PIEZO2: variants seen among roughly 807,000 people sequenced by gnomAD.
The protein encoded by PIEZO2 is piezo-type mechanosensitive ion channel component 2.
In PIEZO2, 172 loss-of-function variants were observed where a neutral mutation model predicts 337.3. The ratio of observed to expected loss-of-function variants is 0.51; its 90% CI spans 0.45 to 0.58. PIEZO2 has a LOEUF of 0.58. Ranked by LOEUF, PIEZO2 falls within the 20% of genes least tolerant of loss-of-function variation. PIEZO2 has a pLI of 0.00. For synonymous variants in PIEZO2, 1,251 were observed against 1,228.5 expected (o/e 1.02, Z -0.38); for missense variants, 3,028 against 3,391.3 (o/e 0.89, Z 2.66).
rs988110185 is a variant in PIEZO2 at position 10,863,418 on chromosome 18, A to G, written c.493-6207T>C. The stretch of plus-strand genomic sequence containing the variant: ...AAGATTATTCTTCCAAACTCCTAAG[A>G]TCAGCTTAAGCAGTCCCTATTTCAT... On this transcript the variant is annotated intron_variant, in intron 5 of 55. Transcript: ENST00000674853. This position sits in a 1 kb window ranked among gnomAD's most constrained non-coding sequence, Gnocchi z 4.3. Among the ~76,000 whole-genome samples the G allele has an allele frequency of 6.6e-6, 1 of 152,242 alleles. No homozygotes were observed. The highest frequency in any genetic ancestry group is 2.4e-5 in the African/African-American group (1 of 41,462).
rs2037042319 is a variant in PIEZO2, at chr18:11,039,571, ATAAC to A, written c.160+26552_160+26555del. 2.6e-5 allele frequency among the ~76,000 whole-genome samples: 4 copies of A among 152,256 alleles called. No individual in the cohort carries two copies. In the South Asian group the frequency reaches 8.3e-4, roughly 32 times the overall value. On this transcript the variant is annotated intron_variant, in intron 2 of 55. Transcript: ENST00000674853. ...ACATATATATAACTATATGTGTCATATAACTAACATATATATATGATCCACATGT... is the reference window on the plus strand; with the variant it reads ...ACATATATATAACTATATGTGTCATATAACATATATATATGATCCACATGT...
intron 1 of PIEZO2, among the ~76,000 whole-genome samples, chr18:11,090,641 A>G (rs750646428): frequency 1.4e-4 from 21 of 152,236 alleles, no homozygotes; most frequent in Non-Finnish European, 1.8e-4. Context: ...TATCTTTCCA[A>G]TCAGATTTTC....
At position 10,862,017 on chromosome 18, in the gene PIEZO2, C is replaced by CA. The variant is rs11341776; in HGVS notation, c.493-4807dup. On this transcript the variant is annotated intron_variant, in intron 5 of 55. Coordinates refer to ENST00000674853, the MANE Select transcript of PIEZO2 (RefSeq NM_001378183.1). The surrounding 1 kb of genome is among the most constrained non-coding windows in gnomAD (Gnocchi z 4.4). ...TAGGTGACAGAATGAGACTCAATCT[C>CA]AAAAAAAAAATTAATAAATAAAACA... Among the ~76,000 whole-genome samples, 11 of 145,816 alleles carry CA rather than the reference C, an allele frequency of 7.5e-5. No homozygotes were observed. Among genetic ancestry groups the CA allele is most frequent in the East Asian group, 2.0e-4 (1 of 5,016 alleles).
intron 3 of PIEZO2, among the ~76,000 whole-genome samples, chr18:10,974,774 AC>A (rs2145457991): frequency 6.6e-6 from 1 of 152,270 alleles, no homozygotes; most frequent in Non-Finnish European, 1.5e-5. Context: ...GAAAAAGGGC[AC>A]CCTCTTGGAG....
At chr18:10,827,818 A>G (rs1017888334) in intron 7 of PIEZO2, among the ~76,000 whole-genome samples, 1 of 152,222 alleles carries the variant, frequency 6.6e-6, no homozygotes, top group Non-Finnish European at 1.5e-5. Flanking sequence ...TCCTGCTTCA[A>G]CTTAGAGAAC....
At chr18:10,749,047 A>G (rs1012267138) in intron 29 of PIEZO2, among the ~76,000 whole-genome samples, 1 of 152,194 alleles carries the variant, frequency 6.6e-6, no homozygotes, top group African/African-American at 2.4e-5. Context: ...TGAGCACAGC[A>G]TGGCTTATTA....
chr18:11,055,016 C>T (rs1369928905), intron 2 of PIEZO2, among the ~76,000 whole-genome samples: 3 of 152,024 alleles, frequency 2.0e-5, no homozygotes, highest in Non-Finnish European at 4.4e-5. Flanking sequence ...TCAAGACTAT[C>T]CTGGCTAACA....
At chr18:10,751,696 T>C (rs1283843215) in intron 28 of PIEZO2, among the ~76,000 whole-genome samples, 1 of 152,174 alleles carries the variant, frequency 6.6e-6, no homozygotes, top group Non-Finnish European at 1.5e-5. Context: ...AGAGATTTCC[T>C]CACTGCTCTC....
intron 34 of PIEZO2, among the ~76,000 whole-genome samples, chr18:10,736,353 T>C (rs781752666): frequency 6.6e-6 from 1 of 152,224 alleles, no homozygotes; most frequent in Non-Finnish European, 1.5e-5. Context: ...GTTTATAGTA[T>C]CAGGAACTGT....
intron 3 of PIEZO2, among the ~76,000 whole-genome samples, chr18:10,922,771 T>G (rs1054652991): frequency 5.3e-5 from 8 of 152,106 alleles, no homozygotes; most frequent in Admixed American, 5.2e-4. Context: ...GCTGACCGTA[T>G]TTACATAAAT....
chr18:10,887,861 C>T (rs2042651662), intron 4 of PIEZO2, among the ~76,000 whole-genome samples: 1 of 152,204 alleles, frequency 6.6e-6, no homozygotes, highest in African/African-American at 2.4e-5. Context: ...TGCTGTACTG[C>T]TCTCAGTTCA....
chr18:10,958,284 T>C (rs1408864801), intron 3 of PIEZO2, among the ~76,000 whole-genome samples: 1 of 152,170 alleles, frequency 6.6e-6, no homozygotes, highest in Admixed American at 6.5e-5. Flanking sequence ...TCGCTTTATG[T>C]GGCATCTAAA....
At position 10,680,259 on chromosome 18, in the gene PIEZO2, A is replaced by G; in HGVS notation, c.7892T>C (p.Ile2631Thr). ...TISPPSKQKM[I>T]HELLDPNSSF... ...ACTATTGGGGTCCAGGAGTTCGTGT[A>G]TCATTTTCTGCTTACTGGGTGGGCT... Residue 2631 changes from isoleucine to threonine, a missense_variant, in exon 52 of 56, where the codon ATA becomes ACA. Coordinates refer to ENST00000674853, the MANE Select transcript of PIEZO2 (RefSeq NM_001378183.1). 6.2e-7 allele frequency: 1 copy of G among 1,614,076 alleles called. No individual in the cohort carries two copies. Among genetic ancestry groups the G allele is most frequent in the South Asian group, 1.1e-5 (1 of 91,082 alleles).
At chr18:11,007,770 TCTA>T (rs1232792267) in intron 2 of PIEZO2, among the ~76,000 whole-genome samples, 21 of 152,288 alleles carry the variant, frequency 1.4e-4, no homozygotes, top group African/African-American at 4.8e-4. Flanking sequence ...AACTTCTGTA[TCTA>T]GCAAAACTAT....
At chr18:10,808,792 G>A (rs999890965) in intron 7 of PIEZO2, among the ~76,000 whole-genome samples, 8 of 152,138 alleles carry the variant, frequency 5.3e-5, no homozygotes, top group Non-Finnish European at 1.0e-4. Context: ...TAAATTTCTT[G>A]TATAAAGTAC....
chr18:11,109,090 G>A lies in PIEZO2; in HGVS notation c.64+39435C>T, dbSNP rs2146133190. On this transcript the variant is annotated intron_variant, in intron 1 of 55. Transcript: ENST00000674853. The surrounding 1 kb of genome is among the most constrained non-coding windows in gnomAD (Gnocchi z 5.1). ...CTGTTTCCAGCATCCTGGGCAAAGG[G>A]TGACATCATGTCAGAGAACTATGCA... Among the ~76,000 whole-genome samples, 1 of 152,270 alleles carries A rather than the reference G, an allele frequency of 6.6e-6. No homozygotes were observed. Among genetic ancestry groups the A allele is most frequent in the Admixed American group, 6.5e-5 (1 of 15,300 alleles).
chr18:10,698,856 C>A, intron 44 of PIEZO2, 69 bp downstream of exon 44: 1 of 1,520,138 alleles, frequency 6.6e-7, no homozygotes, highest in Non-Finnish European at 8.8e-7. Context: ...GCCCCAGACC[C>A]ACAGGCACCA....
At chr18:10,880,938 T>C (rs894542933) in intron 4 of PIEZO2, among the ~76,000 whole-genome samples, 1 of 143,848 alleles carries the variant, frequency 7.0e-6, no homozygotes, top group South Asian at 2.2e-4. Context: ...TTATTTAATA[T>C]CTGACCTCAT....
chr18:11,006,353 G>T (rs1052838293), intron 2 of PIEZO2, among the ~76,000 whole-genome samples: 1 of 152,154 alleles, frequency 6.6e-6, no homozygotes, highest in African/African-American at 2.4e-5. Context: ...ATAACTGAAC[G>T]AATGAATGAA....
Sources: gnomAD v4.1 joint callset for allele counts (sites outside exome capture counted in the v4.1 genomes callset) on GRCh38, gnomAD v4.1.1 for gene constraint, Gnocchi (gnomAD v3.1) non-coding constraint, MANE v1.5 for transcripts, NCBI Gene and HGNC (gene_info 2026-07-23, HGNC 2026-07-21) for gene names.